ZNF892: variants seen among roughly 807,000 people sequenced by gnomAD.
The protein encoded by ZNF892 is zinc finger protein 892, also known as zinc finger protein 570-like.
chr2:95,251,415 A>G, the ZNF892 span, among the ~76,000 whole-genome samples: 3 of 152,236 alleles, frequency 2.0e-5, no homozygotes, highest in African/African-American at 7.2e-5. Context: ...AGGTACACCT[A>G]CTTTAATTAT....
the ZNF892 span, among the ~76,000 whole-genome samples, chr2:95,226,126 T>A: frequency 6.6e-6 from 1 of 152,244 alleles, no homozygotes; most frequent in Non-Finnish European, 1.5e-5. Flanking sequence ...ACAGTTCCAC[T>A]GGGCATTGCC....
chr2:95,262,150 T>C, the ZNF892 span, among the ~76,000 whole-genome samples: 1 of 152,186 alleles, frequency 6.6e-6, no homozygotes, highest in East Asian at 1.9e-4. Flanking sequence ...AATTGGGGAC[T>C]AGGAGAGTAA....
chr2:95,258,572 G>A, the ZNF892 span, among the ~76,000 whole-genome samples: 3 of 152,218 alleles, frequency 2.0e-5, no homozygotes, highest in Non-Finnish European at 4.4e-5. Context: ...TAGGGGCAAG[G>A]AGGCAAAGAA....
the ZNF892 span, among the ~76,000 whole-genome samples, chr2:95,256,324 C>A: frequency 6.6e-6 from 1 of 152,284 alleles, no homozygotes; most frequent in East Asian, 1.9e-4. Context: ...TTCTCCTTCA[C>A]TTATGAAGCT....
At chr2:95,239,325 G>A in the ZNF892 span, among the ~76,000 whole-genome samples, 2 of 152,084 alleles carry the variant, frequency 1.3e-5, no homozygotes, top group Non-Finnish European at 2.9e-5. Flanking sequence ...GACAACAAAG[G>A]ATTTAGAATG....
At chr2:95,256,740 G>A in the ZNF892 span, among the ~76,000 whole-genome samples, 2 of 152,132 alleles carry the variant, frequency 1.3e-5, no homozygotes, top group African/African-American at 4.8e-5. Context: ...TTTTCACATA[G>A]TCCCATATTT....
chr2:95,228,885 C>G, the ZNF892 span, among the ~76,000 whole-genome samples: 1 of 152,146 alleles, frequency 6.6e-6, no homozygotes, highest in Non-Finnish European at 1.5e-5. Flanking sequence ...AAAGTTACCC[C>G]TCTGCTCACT....
the ZNF892 span, among the ~76,000 whole-genome samples, chr2:95,261,719 C>T: frequency 1.3e-5 from 2 of 152,120 alleles, no homozygotes; most frequent in African/African-American, 2.4e-5. Flanking sequence ...CTGAGGTCTT[C>T]GATAGAGGAA....
chr2:95,210,177 GTATA>G, the ZNF892 span, among the ~76,000 whole-genome samples: 2 of 148,428 alleles, frequency 1.3e-5, no homozygotes, highest in East Asian at 3.9e-4. Flanking sequence ...GTATATATGT[GTATA>G]TATGTATATG....
chr2:95,249,267 G>A, the ZNF892 span, among the ~76,000 whole-genome samples: 1 of 99,460 alleles, frequency 1.0e-5, no homozygotes, highest in African/African-American at 3.9e-5. Context: ...CTGAGACAGA[G>A]CCTTGCTCTG....
chr2:95,248,001 GA>G, the ZNF892 span, among the ~76,000 whole-genome samples: 1 of 152,094 alleles, frequency 6.6e-6, no homozygotes, highest in Admixed American at 6.6e-5. Flanking sequence ...ATATCCAGAA[GA>G]AAATAAATCA....
At chr2:95,210,068 CAT>C in the ZNF892 span, among the ~76,000 whole-genome samples, 7 of 147,180 alleles carry the variant, frequency 4.8e-5, no homozygotes, top group East Asian at 2.1e-4. Flanking sequence ...CCGTTCGATT[CAT>C]ATATATATGT....
the ZNF892 span, chr2:95,215,160 C>T: frequency 1.7e-5 from 8 of 463,752 alleles, no homozygotes; most frequent in East Asian, 2.7e-4. Context: ...TCGGTCAGGT[C>T]TTATCCAGCA....
chr2:95,244,758 C>G, the ZNF892 span, among the ~76,000 whole-genome samples: 1 of 152,206 alleles, frequency 6.6e-6, no homozygotes, highest in Non-Finnish European at 1.5e-5. Flanking sequence ...TACCACGTGG[C>G]ATATACTCTA....
chr2:95,247,356 C>T, the ZNF892 span, among the ~76,000 whole-genome samples: 3 of 152,186 alleles, frequency 2.0e-5, no homozygotes, highest in Middle Eastern at 3.4e-3. Context: ...CAAATATTAA[C>T]TCAAGATGGA....
At chr2:95,232,927 C>A in the ZNF892 span, among the ~76,000 whole-genome samples, 1 of 109,646 alleles carries the variant, frequency 9.1e-6, no homozygotes, top group African/African-American at 3.6e-5. Flanking sequence ...GGTTTGCGAG[C>A]TGAATGGCCT....
chr2:95,247,856 T>A, the ZNF892 span, among the ~76,000 whole-genome samples: 6 of 152,162 alleles, frequency 3.9e-5, no homozygotes, highest in African/African-American at 1.4e-4. Context: ...GGGAAGGCTA[T>A]GTAGAAAAGG....
the ZNF892 span, among the ~76,000 whole-genome samples, chr2:95,243,274 C>A: frequency 0.027 from 4,161 of 152,186 alleles, 82 homozygotes; most frequent in Non-Finnish European, 0.045. Context: ...GCCGCCACCC[C>A]GTCTGGGAAG....
the ZNF892 span, among the ~76,000 whole-genome samples, chr2:95,257,969 C>T: frequency 6.6e-6 from 1 of 152,140 alleles, no homozygotes; most frequent in African/African-American, 2.4e-5. Context: ...CGTCTGTCAC[C>T]CCTTTCCTTG....
Sources: gnomAD v4.1 joint callset for allele counts (sites outside exome capture counted in the v4.1 genomes callset) on GRCh38, gnomAD v4.1.1 for gene constraint, MANE v1.5 for transcripts, NCBI Gene and HGNC (gene_info 2026-07-23, HGNC 2026-07-21) for gene names.